Variants in ZNF667 observed in about 807,000 individuals in gnomAD.
ZNF667 encodes the protein myocardial ischemic preconditioning upregulated 1 ortholog.
Under a neutral mutation model 31.8 loss-of-function variants are expected in ZNF667, and 13 were observed. That is an observed-to-expected ratio of 0.41 (90% CI 0.27 to 0.65). The LOEUF is 0.65. Among genes scored for constraint, ZNF667 ranks in the 30% least tolerant of loss-of-function variants. The probability of loss-of-function intolerance (pLI) is 0.32; values close to 1 mark genes in which losing one functional copy is unlikely to be tolerated. For missense variants in ZNF667, 642 were observed against 725.6 expected, an observed-to-expected ratio of 0.88 and a Z score of 1.32; for synonymous variants, 228 against 247.1, an observed-to-expected ratio of 0.92 and a Z score of 0.73.
chr19:56,459,231 G>A (rs568513992), intron 5 of ZNF667, among the ~76,000 whole-genome samples: 4 of 152,260 alleles, frequency 2.6e-5, no homozygotes, highest in South Asian at 4.1e-4. Flanking sequence ...ATTTTAATTC[G>A]ACAAAGCAAA....
intron 6 of ZNF667, among the ~76,000 whole-genome samples, chr19:56,457,022 G>C (rs1006923574): frequency 1.3e-5 from 2 of 152,114 alleles, no homozygotes; most frequent in South Asian, 4.2e-4. Context: ...CCAGACGCTC[G>C]AGGTGGTGCC....
chr19:56,460,705 C>A lies in ZNF667; in HGVS notation c.144G>T (p.Arg48=). The change falls in exon 5 of 7, where the codon CGG becomes CGT. Residue 48 remains arginine, a synonymous_variant. Transcript: ENST00000504904. Reference sequence around the variant, plus strand: ...GAGCCTTACCAAGCGAGACCAGGTTCCGGTAATTCTCCAACATGACATCTT... The same window carrying A: ...GAGCCTTACCAAGCGAGACCAGGTTACGGTAATTCTCCAACATGACATCTT... ...LYEDVMLENY[R]NLVSLGLSFR... 6.2e-7 allele frequency: 1 copy of A among 1,611,880 alleles called. No homozygotes were observed. The highest frequency in any genetic ancestry group is 8.5e-7 in the Non-Finnish European group (1 of 1,179,092).
intron 6 of ZNF667, among the ~76,000 whole-genome samples, chr19:56,450,095 A>C (rs2042789731): frequency 6.6e-6 from 1 of 152,118 alleles, no homozygotes; most frequent in Non-Finnish European, 1.5e-5. Flanking sequence ...AACCTGGAGA[A>C]AGATGTCAAA....
chr19:56,447,883 AAAAC>A (rs2042738201), intron 6 of ZNF667, among the ~76,000 whole-genome samples: 1 of 152,158 alleles, frequency 6.6e-6, no homozygotes. Flanking sequence ...TCTATCTCAA[AAAAC>A]AAACAAAACA....
intron 6 of ZNF667, among the ~76,000 whole-genome samples, chr19:56,453,837 G>A (rs1448718037): frequency 6.6e-6 from 1 of 152,174 alleles, no homozygotes; most frequent in African/African-American, 2.4e-5. Flanking sequence ...GGAAGTCCTA[G>A]CTAGAGCAAT....
In ZNF667 at chr19:56,441,012, CA is replaced by C; in HGVS notation, c.*149del. 1 of 1,429,282 alleles carries C rather than the reference CA, an allele frequency of 7.0e-7. No individual in the cohort carries two copies. Among genetic ancestry groups the C allele is most frequent in the Non-Finnish European group, 9.1e-7 (1 of 1,094,040 alleles). The allele number at this position is 1,429,282 out of a possible 1,614,324, so 88.5% of individuals were successfully genotyped here. A position where few individuals can be genotyped will look rare whatever the true frequency, so the allele number is the denominator to read the frequency against. ...TTCAGTTAATTTCAAATCCTGAGGT[CA>C]AAATCACCAATGACTTTTGCTCTTT... is the stretch of plus-strand genomic sequence containing the variant. On this transcript the variant is annotated 3_prime_UTR_variant, in exon 7 of 7. Transcript: ENST00000504904. The surrounding 1 kb of genome is among the most constrained non-coding windows in gnomAD (Gnocchi z 4.2).
chr19:56,474,948 T>TG (rs1465709948), intron 1 of ZNF667: 1 of 152,194 alleles, frequency 6.6e-6, no homozygotes, highest in Non-Finnish European at 1.5e-5. Context: ...CTCTTTCTGT[T>TG]GAAGTCCAGA....
At chr19:56,466,310 A>G (rs952161200) in intron 3 of ZNF667, among the ~76,000 whole-genome samples, 3 of 152,010 alleles carry the variant, frequency 2.0e-5, no homozygotes, top group Non-Finnish European at 4.4e-5. Flanking sequence ...GGCCCTGCAG[A>G]CTCCGAAACA....
rs1439129383 is a variant in ZNF667, at chr19:56,439,933, C to CA, written c.*1228dup. ...TTGGCCTCCCAAAGTGCTGGGATTA[C>CA]AGGCATGAGCCACCGGGCTCAGCCT... On this transcript the variant is annotated 3_prime_UTR_variant, in exon 7 of 7. Coordinates refer to ENST00000504904, the MANE Select transcript of ZNF667 (RefSeq NM_001321356.2). The CA allele has an allele frequency of 6.6e-6, 1 of 152,492 alleles. No individual in the cohort carries two copies. Among genetic ancestry groups the CA allele is most frequent in the East Asian group, 1.9e-4 (1 of 5,202 alleles). 9.4% of individuals were successfully genotyped at this position (152,492 alleles called of 1,614,324 possible). A position where few individuals can be genotyped will look rare whatever the true frequency, so the allele number is the denominator to read the frequency against.
chr19:56,447,551 C>G (rs55887007), intron 6 of ZNF667, among the ~76,000 whole-genome samples: 6,261 of 152,106 alleles, frequency 0.041, 286 homozygotes, highest in African/African-American at 0.12. Context: ...CACCACTACA[C>G]TCCAGCCTGG....
chr19:56,442,099 T>C lies in ZNF667; in HGVS notation c.896A>G (p.His299Arg), dbSNP rs562746194. The C allele has an allele frequency of 8.1e-6, 13 of 1,614,108 alleles. No homozygotes were observed. In the South Asian group the frequency reaches 9.9e-5, roughly 12 times the overall value. The change falls in exon 7 of 7, where the codon CAT becomes CGT. Residue 299 changes from histidine (H) to arginine (R), a missense_variant. His to Arg is a conservative substitution (Grantham distance 29). Transcript: ENST00000504904. ...TTTCTCTCCAGCATGAATTCTTTTATGTACAACAAAGACTGATTTCTTTTT... is the reference window on the plus strand; with the variant it reads ...TTTCTCTCCAGCATGAATTCTTTTACGTACAACAAAGACTGATTTCTTTTT... ...GFKKKSVFVV[H>R]KRIHAGEKIP...
At chr19:56,466,365 G>T (rs1015338614) in intron 3 of ZNF667, among the ~76,000 whole-genome samples, 1 of 152,142 alleles carries the variant, frequency 6.6e-6, no homozygotes, top group African/African-American at 2.4e-5. Context: ...CCCCTCAGCT[G>T]TATCAGCCTT....
Position 56,441,351 on chromosome 19 carries a change from A to G in ZNF667, c.1644T>C (p.Ser548=). The change falls in exon 7 of 7, where the codon AGT becomes AGC. Residue 548 remains serine (S), a synonymous_variant. Transcript: ENST00000504904. The surrounding 1 kb of genome is among the most constrained non-coding windows in gnomAD (Gnocchi z 4.2). ...ATTCATAGGGTTTCTCTCCAGTATG[A>G]CTTCTTTCATGTAGAATAAGAGATG... The part of the protein sequence containing the change: ...QRTSLILHER[S]HTGEKPYECN... 1 of 1,614,140 alleles carries G rather than the reference A, an allele frequency of 6.2e-7. No individual in the cohort carries two copies. The highest frequency in any genetic ancestry group is 8.5e-7 in the Non-Finnish European group (1 of 1,180,034).
At position 56,462,352 on chromosome 19, in the gene ZNF667, TC is replaced by T; in HGVS notation, c.18del (p.Lys7AsnfsTer8). 1 of 1,614,120 alleles carries T rather than the reference TC, an allele frequency of 6.2e-7. No individual in the cohort carries two copies. Among genetic ancestry groups the T allele is most frequent in the Non-Finnish European group, 8.5e-7 (1 of 1,180,016 alleles). The part of the protein sequence containing the change: MPSAR[G>X]KSKSKAPITF... ...TTGCCACTTACCTTGGATTTGGATT[TC>T]CCCCGTGCAGAAGGCATCCTTTCCT... On this transcript the variant is annotated frameshift_variant, in exon 4 of 7. Transcript: ENST00000504904. LOFTEE classifies it high-confidence loss of function.
chr19:56,462,351 T>G lies in ZNF667; in HGVS notation c.20A>C (p.Lys7Thr). Residue 7 changes from lysine to threonine, a missense_variant, in exon 4 of 7, where the codon AAA (lysine) becomes ACA (threonine). Transcript: ENST00000504904. Reference sequence around the variant, plus strand: ...ATTGCCACTTACCTTGGATTTGGATTTCCCCCGTGCAGAAGGCATCCTTTC... The same window carrying G: ...ATTGCCACTTACCTTGGATTTGGATGTCCCCCGTGCAGAAGGCATCCTTTC... MPSARG[K>T]SKSKAPITFG... 1.9e-6 allele frequency: 3 copies of G among 1,614,198 alleles called. No homozygotes were observed. Among genetic ancestry groups the G allele is most frequent in the Non-Finnish European group, 2.5e-6 (3 of 1,180,032 alleles).
At chr19:56,466,914 T>C (rs985928690) in intron 3 of ZNF667, 15 of 432,630 alleles carry the variant, frequency 3.5e-5, no homozygotes, top group Non-Finnish European at 6.9e-5. Flanking sequence ...CTTCTCCTGC[T>C]TTCTGAGAAC....
intron 5 of ZNF667, among the ~76,000 whole-genome samples, chr19:56,459,304 C>T (rs1218739161): frequency 2.6e-5 from 4 of 152,208 alleles, no homozygotes; most frequent in Non-Finnish European, 5.9e-5. Context: ...TGTCTTTCTG[C>T]TCCAGACCCT....
intron 3 of ZNF667, 21 bp from the exon 4 acceptor site, chr19:56,462,450 A>G: frequency 1.3e-6 from 2 of 1,560,914 alleles, no homozygotes. Flanking sequence ...AAGACAGGTC[A>G]TGAGGCAGTG....
At chr19:56,469,771 C>T (rs2043247347) in intron 3 of ZNF667, 3 of 365,528 alleles carry the variant, frequency 8.2e-6, no homozygotes, top group South Asian at 4.1e-5. Flanking sequence ...GTCCTGAGGA[C>T]AGGCAACTCT....
Sources: gnomAD v4.1 joint callset for allele counts (sites outside exome capture counted in the v4.1 genomes callset) on GRCh38, gnomAD v4.1.1 for gene constraint, Gnocchi (gnomAD v3.1) non-coding constraint, MANE v1.5 for transcripts, NCBI Gene and HGNC (gene_info 2026-07-23, HGNC 2026-07-21) for gene names.